DDX31: variants seen among roughly 807,000 people sequenced by gnomAD.
The protein encoded by DDX31 is ATP-dependent DNA helicase DDX31.
Under a neutral mutation model 91.3 loss-of-function variants are expected in DDX31, and 70 were observed. The observed-to-expected ratio is 0.77, with a 90% CI of 0.63 to 0.94. The LOEUF is 0.94. Ranked by LOEUF, DDX31 falls within the 40% of genes least tolerant of loss-of-function variation. The pLI is 0.00. For missense variants in DDX31, 902 were observed against 925.0 expected (o/e 0.98, Z 0.32); for synonymous variants, 362 against 350.6 (o/e 1.03, Z -0.36).
chr9:132,661,143 C>A, intron 4 of DDX31, 65 bp downstream of exon 4: 1 of 1,447,040 alleles, frequency 6.9e-7, no homozygotes, highest in Non-Finnish European at 9.7e-7. Context: ...GCCTTGCACA[C>A]ACAGGTTTCG....
At chr9:132,607,042 T>C (rs1332047804) in intron 19 of DDX31, among the ~76,000 whole-genome samples, 2 of 152,184 alleles carry the variant, frequency 1.3e-5, no homozygotes, top group East Asian at 1.9e-4. Flanking sequence ...GTCCTATCTA[T>C]GAAGAAGGGG....
At chr9:132,661,307 G>A (rs1261201390) in intron 3 of DDX31, 56 bp from the exon 4 acceptor site, 2 of 1,365,398 alleles carry the variant, frequency 1.5e-6, no homozygotes, top group African/African-American at 2.9e-5. Context: ...ATATTTAACG[G>A]AAATTACACA....
rs1263908454 is a variant in DDX31, at chr9:132,595,307, A to AT, written c.1995-196dup. On this transcript the variant is annotated intron_variant, in intron 19 of 19. Coordinates refer to ENST00000372159, the MANE Select transcript of DDX31 (RefSeq NM_022779.9). This position sits in a 1 kb window ranked among gnomAD's most constrained non-coding sequence, Gnocchi z 4.6. ...TTAGATACGGCGCTGACAGATTTTC[A>AT]TAACAGCGGCAAAATATCATGGCAT... Among the ~76,000 whole-genome samples, 2 of 152,200 alleles carry AT rather than the reference A, an allele frequency of 1.3e-5. No individual in the cohort carries two copies. The highest frequency in any genetic ancestry group is 1.3e-4 in the Admixed American group (2 of 15,284).
intron 17 of DDX31, among the ~76,000 whole-genome samples, chr9:132,619,108 T>A (rs1831828986): frequency 6.6e-6 from 1 of 152,214 alleles, no homozygotes; most frequent in Non-Finnish European, 1.5e-5. Context: ...AAGTAGCATC[T>A]GTGTGCATGC....
At chr9:132,637,396 C>A (rs955888146) in intron 14 of DDX31, among the ~76,000 whole-genome samples, 1 of 152,256 alleles carries the variant, frequency 6.6e-6, no homozygotes, top group Non-Finnish European at 1.5e-5. Context: ...CTGGGCCTGA[C>A]AATTGGCTGC....
chr9:132,662,054 A>AG (rs569131739), intron 3 of DDX31, among the ~76,000 whole-genome samples: 143 of 152,236 alleles, frequency 9.4e-4, no homozygotes, highest in African/African-American at 3.2e-3. Flanking sequence ...GGATGGGGGA[A>AG]GGGGGGGCCA....
At chr9:132,647,769 G>A (rs368438823) in intron 11 of DDX31, among the ~76,000 whole-genome samples, 5 of 152,134 alleles carry the variant, frequency 3.3e-5, no homozygotes, top group African/African-American at 7.2e-5. Context: ...ACAGAGAAGC[G>A]CTTCATTGAT....
intron 1 of DDX31, among the ~76,000 whole-genome samples, chr9:132,662,966 G>A (rs2130851985): frequency 6.6e-6 from 1 of 152,270 alleles, no homozygotes; most frequent in Admixed American, 6.5e-5. Flanking sequence ...TCAAGATAAG[G>A]TAAGGATGAA....
intron 15 of DDX31, among the ~76,000 whole-genome samples, chr9:132,631,833 G>A (rs369257666): frequency 1.3e-5 from 2 of 152,160 alleles, no homozygotes; most frequent in African/African-American, 2.4e-5. Flanking sequence ...TCTCGTGAAC[G>A]CACATTCTGG....
chr9:132,658,275 C>T (rs759369978), intron 6 of DDX31: 2 of 702,936 alleles, frequency 2.8e-6, no homozygotes, highest in African/African-American at 1.7e-5. Flanking sequence ...AAATCCAGTT[C>T]CTCCATTACT....
At chr9:132,611,893 A>G (rs1831361819) in intron 19 of DDX31, among the ~76,000 whole-genome samples, 194 bp downstream of exon 19, 1 of 151,966 alleles carries the variant, frequency 6.6e-6, no homozygotes, top group Non-Finnish European at 1.5e-5. Flanking sequence ...ACCCCACCAC[A>G]TTTGGGCCCA....
At chr9:132,669,483 C>T (rs964397484) in intron 1 of DDX31, 3 of 861,904 alleles carry the variant, frequency 3.5e-6, no homozygotes, top group African/African-American at 3.6e-5. Context: ...AAAAAAAAAT[C>T]AGAGCTTAGT....
intron 19 of DDX31, among the ~76,000 whole-genome samples, chr9:132,611,572 G>A (rs143035209): frequency 6.6e-6 from 1 of 151,822 alleles, no homozygotes; most frequent in Non-Finnish European, 1.5e-5. Flanking sequence ...CTCTTTTTGG[G>A]AGGAAAGGGC....
At chr9:132,626,626 T>G (rs11243846) in intron 16 of DDX31, among the ~76,000 whole-genome samples, 10,085 of 152,094 alleles carry the variant, frequency 0.066, 437 homozygotes, top group East Asian at 0.12. Flanking sequence ...ACAAATGATT[T>G]TGTTGTATGC....
In DDX31 at chr9:132,614,862, G is replaced by A. The variant is rs549268718; in HGVS notation, c.1826-2607C>T. Among the ~76,000 whole-genome samples, 3 of 152,302 alleles carry A rather than the reference G, an allele frequency of 2.0e-5. No homozygotes were observed. The East Asian group carries it at 5.8e-4, about 29-fold the overall frequency. ...AAACCTCCTTGTCCTCAAGGCTCCT[G>A]TCTCACCGGGGACAGCGACAGTTGG... On this transcript the variant is annotated intron_variant, in intron 18 of 19. Coordinates refer to ENST00000372159, the MANE Select transcript of DDX31 (RefSeq NM_022779.9).
At chr9:132,660,995 A>G in intron 4 of DDX31, 1 of 553,188 alleles carries the variant, frequency 1.8e-6, no homozygotes, top group East Asian at 3.2e-5. Context: ...CTTGCGGTTC[A>G]GAGCCAAGGG....
intron 14 of DDX31, among the ~76,000 whole-genome samples, chr9:132,634,425 T>C (rs542672846): frequency 6.6e-6 from 1 of 152,120 alleles, no homozygotes; most frequent in South Asian, 2.1e-4. Flanking sequence ...GTTGCAAACA[T>C]CATGACAATT....
chr9:132,658,802 T>C (rs918880875), intron 5 of DDX31, 67 bp from the exon 6 acceptor site: 21 of 1,476,102 alleles, frequency 1.4e-5, no homozygotes, highest in African/African-American at 4.2e-5. Context: ...AAGCAAAGGA[T>C]GTAAAGGAAA....
chr9:132,600,015 C>G (rs574053694), intron 19 of DDX31, among the ~76,000 whole-genome samples: 2 of 152,342 alleles, frequency 1.3e-5, no homozygotes, highest in Non-Finnish European at 2.9e-5. Flanking sequence ...GCTCTCAGGT[C>G]ACAGTGAGGG....
Sources: allele counts gnomAD v4.1 joint callset (sites outside exome capture counted in the v4.1 genomes callset), GRCh38; gene constraint gnomAD v4.1.1; non-coding constraint Gnocchi (gnomAD v3.1); transcripts MANE v1.5; gene names NCBI Gene and HGNC (gene_info 2026-07-23, HGNC 2026-07-21).